SDK1: variants seen among roughly 807,000 people sequenced by gnomAD.
The protein encoded by SDK1 is sidekick cell adhesion molecule 1, also known as protein sidekick-1.
A neutral mutation model predicts 245.5 loss-of-function variants in SDK1; 157 were observed. The observed-to-expected ratio is 0.64, with a 90% CI of 0.56 to 0.73. The LOEUF (loss-of-function observed/expected upper bound fraction) is 0.73. Among genes scored for constraint, SDK1 ranks in the 30% least tolerant of loss-of-function variants. SDK1 has a pLI of 0.00. For synonymous variants in SDK1, 1,647 were observed against 1,278.5 expected (o/e 1.29, Z -6.15); for missense variants, 3,583 against 3,002.3 (o/e 1.19, Z -4.52).
At chr7:3,433,355 G>T (rs1779923531) in intron 1 of SDK1, among the ~76,000 whole-genome samples, 1 of 152,210 alleles carries the variant, frequency 6.6e-6, no homozygotes, top group Non-Finnish European at 1.5e-5. Context: ...TCTCTTGAGA[G>T]GAGGGGTTGA....
intron 17 of SDK1, among the ~76,000 whole-genome samples, chr7:4,045,300 T>A (rs1455810012): frequency 1.3e-5 from 2 of 152,176 alleles, no homozygotes; most frequent in African/African-American, 4.8e-5. Flanking sequence ...TGGAGTGCAG[T>A]GGTGTAATCA....
At chr7:3,900,862 A>G (rs967201057) in intron 5 of SDK1, among the ~76,000 whole-genome samples, 1 of 152,112 alleles carries the variant, frequency 6.6e-6, no homozygotes, top group African/African-American at 2.4e-5. Flanking sequence ...CCACCATAAA[A>G]TCATTGCTCT....
At chr7:4,079,763 A>G (rs866195957) in intron 22 of SDK1, among the ~76,000 whole-genome samples, 179 bp downstream of exon 22, 1 of 152,226 alleles carries the variant, frequency 6.6e-6, no homozygotes, top group Middle Eastern at 3.2e-3. Context: ...AAGACAAAGA[A>G]CAAGATGTCA....
chr7:3,475,026 A>T (rs1781309776), intron 1 of SDK1, among the ~76,000 whole-genome samples: 1 of 152,140 alleles, frequency 6.6e-6, no homozygotes, highest in South Asian at 2.1e-4. Context: ...ATACCCCTGC[A>T]TTCACTTGGT....
intron 1 of SDK1, among the ~76,000 whole-genome samples, chr7:3,532,432 T>G (rs758560514): frequency 6.6e-6 from 1 of 152,210 alleles, no homozygotes; most frequent in African/African-American, 2.4e-5. Context: ...GGGAGGTCAC[T>G]GACTCCTGGT....
intron 44 of SDK1, among the ~76,000 whole-genome samples, chr7:4,249,319 C>G (rs893366595): frequency 1.3e-5 from 2 of 152,200 alleles, no homozygotes; most frequent in South Asian, 2.1e-4. Context: ...CACCTTCCCA[C>G]CAGTCCTGCT....
intron 4 of SDK1, among the ~76,000 whole-genome samples, chr7:3,679,602 G>C (rs1784033920): frequency 1.3e-5 from 2 of 152,266 alleles, no homozygotes; most frequent in Admixed American, 6.5e-5. Flanking sequence ...GAGATTAATA[G>C]ACATTTCATG....
intron 7 of SDK1, among the ~76,000 whole-genome samples, chr7:3,954,181 G>A (rs1781051516): frequency 1.3e-5 from 2 of 151,246 alleles, no homozygotes; most frequent in South Asian, 4.2e-4. Context: ...TCGGCTTCCA[G>A]GCACCACCCC....
rs555051428 is a variant in SDK1 at position 3,971,567 on chromosome 7, C to T, written c.1816C>T (p.Arg606Cys). ...CACACATGACCCCCGGGTTTCACTC[C>T]GGTCAGCACAATCAGTTACAATGCT... ...GATHDPRVSLRYVWKKDNVAL... is the reference protein window; with the variant it reads ...GATHDPRVSLCYVWKKDNVAL... Residue 606 changes from arginine (R) to cysteine (C), a missense_variant and splice_region_variant, in exon 12 of 45, where the codon CGC becomes TGC. Coordinates refer to ENST00000404826, the MANE Select transcript of SDK1 (RefSeq NM_152744.4). 2.6e-5 allele frequency: 42 copies of T among 1,605,920 alleles called. No homozygotes were observed. Among genetic ancestry groups the T allele is most frequent in the South Asian group, 2.3e-4 (21 of 90,000 alleles).
intron 2 of SDK1, among the ~76,000 whole-genome samples, chr7:3,629,927 A>C (rs1782239303): frequency 6.6e-6 from 1 of 152,248 alleles, no homozygotes; most frequent in Non-Finnish European, 1.5e-5. Context: ...ATATGATCAA[A>C]GTAGAGACAC....
chr7:3,308,519 A>G lies in SDK1; in HGVS notation c.298+6635A>G, dbSNP rs574411029. On this transcript the variant is annotated intron_variant, in intron 1 of 44. Transcript: ENST00000404826. Reference sequence around the variant, plus strand: ...ACAATGTCTAGTGAAGATAACAGCTATCAATTAAATAGTCCAATTTCTTGA... The same window carrying G: ...ACAATGTCTAGTGAAGATAACAGCTGTCAATTAAATAGTCCAATTTCTTGA... Among the ~76,000 whole-genome samples the G allele has an allele frequency of 4.0e-5, 6 of 151,728 alleles. No homozygotes were observed. In the South Asian group the frequency reaches 1.3e-3, roughly 32 times the overall value.
chr7:3,337,914 C>T (rs899528560), intron 1 of SDK1: 4 of 152,080 alleles, frequency 2.6e-5, no homozygotes, highest in East Asian at 1.9e-4. Context: ...TGAATGGAAA[C>T]GAAAACATAA....
chr7:4,015,030 T>C (rs1459296550), intron 16 of SDK1, among the ~76,000 whole-genome samples: 1 of 152,160 alleles, frequency 6.6e-6, no homozygotes, highest in Non-Finnish European at 1.5e-5. Flanking sequence ...CTCATAGTTA[T>C]CTCTACCATA....
chr7:3,399,658 G>C (rs60418263), intron 1 of SDK1, among the ~76,000 whole-genome samples: 1 of 152,042 alleles, frequency 6.6e-6, no homozygotes, highest in Non-Finnish European at 1.5e-5. Flanking sequence ...TCTTCATTGT[G>C]TGGGGACACT....
At chr7:3,979,002 G>C (rs761091042) in intron 13 of SDK1, among the ~76,000 whole-genome samples, 37 of 152,206 alleles carry the variant, frequency 2.4e-4, no homozygotes, top group Non-Finnish European at 4.6e-4. Context: ...ACCTCATTGA[G>C]GCTGAGTGGA....
At chr7:4,101,046 G>A (rs574422030) in intron 22 of SDK1, among the ~76,000 whole-genome samples, 1 of 152,190 alleles carries the variant, frequency 6.6e-6, no homozygotes, top group Non-Finnish European at 1.5e-5. Flanking sequence ...AGTGCTCTCC[G>A]CACTGGTTGC....
chr7:3,499,189 A>G (rs905573192), intron 1 of SDK1, among the ~76,000 whole-genome samples: 3 of 152,362 alleles, frequency 2.0e-5, no homozygotes, highest in East Asian at 1.9e-4. Context: ...CATTTCAGCA[A>G]TAATGGTGTC....
intron 1 of SDK1, among the ~76,000 whole-genome samples, chr7:3,385,635 C>A (rs1043343913): frequency 1.3e-5 from 2 of 152,132 alleles, no homozygotes; most frequent in African/African-American, 4.8e-5. Flanking sequence ...TCTCAGTCAA[C>A]CTCTCACTTC....
Position 3,301,770 on chromosome 7 carries a change from ACGGCGGGCGCGGGGCGGTGCGGCGGG to A in SDK1, c.194_219del (p.Ala65GlyfsTer28). Reference sequence around the variant, plus strand: ...GGCGCCCGAGACCTCCGGCGGGGACACGGCGGGCGCGGGGCGGTGCGGCGGGCGGCGGGCGGCAAAGTTGGGGCCGG... The same window carrying A: ...GGCGCCCGAGACCTCCGGCGGGGACACGGCGGGCGGCAAAGTTGGGGCCGG... On this transcript the variant is annotated frameshift_variant, in exon 1 of 45. Transcript: ENST00000404826. LOFTEE classifies it high-confidence loss of function. The A allele has an allele frequency of 1.0e-6, 1 of 989,540 alleles. No individual in the cohort carries two copies. Among genetic ancestry groups the A allele is most frequent in the Non-Finnish European group, 1.2e-6 (1 of 834,784 alleles). 61.3% of individuals were successfully genotyped at this position (989,540 alleles called of 1,614,324 possible).
Sources: allele counts gnomAD v4.1 joint callset (sites outside exome capture counted in the v4.1 genomes callset), GRCh38; gene constraint gnomAD v4.1.1; transcripts MANE v1.5; gene names NCBI Gene and HGNC (gene_info 2026-07-23, HGNC 2026-07-21).